NKAIN2: variants seen among roughly 807,000 people sequenced by gnomAD.
NKAIN2 encodes the protein sodium/potassium-transporting ATPase subunit beta-1-interacting protein 2.
Under a neutral mutation model 32.6 loss-of-function variants are expected in NKAIN2, and 14 were observed. The observed-to-expected ratio is 0.43, with a 90% CI of 0.28 to 0.67. The LOEUF (loss-of-function observed/expected upper bound fraction) is 0.67. Ranked by LOEUF, NKAIN2 falls within the 30% of genes least tolerant of loss-of-function variation. The probability of loss-of-function intolerance (pLI) is 0.17; values close to 1 mark genes in which losing one functional copy is unlikely to be tolerated. For missense variants in NKAIN2, 198 were observed against 258.3 expected (o/e 0.77, Z 1.60); for synonymous variants, 80 against 87.2 (o/e 0.92, Z 0.46).
chr6:124,097,868 T>C (rs1215187872), intron 1 of NKAIN2, among the ~76,000 whole-genome samples: 1 of 152,190 alleles, frequency 6.6e-6, no homozygotes, highest in Non-Finnish European at 1.5e-5. Flanking sequence ...ACTAGTCTGA[T>C]TGGCAAAAGC....
intron 1 of NKAIN2, among the ~76,000 whole-genome samples, chr6:123,994,044 T>C (rs915168506): frequency 6.6e-6 from 1 of 152,164 alleles, no homozygotes; most frequent in Non-Finnish European, 1.5e-5. Context: ...TCACTGCTTC[T>C]TCCCCAGAGA....
At chr6:123,923,206 A>C (rs1465910292) in intron 1 of NKAIN2, among the ~76,000 whole-genome samples, 3 of 152,224 alleles carry the variant, frequency 2.0e-5, no homozygotes, top group Non-Finnish European at 4.4e-5. Context: ...CTACCATATT[A>C]CTTTGAGGAA....
At chr6:123,841,235 C>G (rs906449777) in intron 1 of NKAIN2, among the ~76,000 whole-genome samples, 13 of 152,158 alleles carry the variant, frequency 8.5e-5, no homozygotes, top group South Asian at 4.1e-4. Context: ...TAACATAGCT[C>G]TCTCATTGGA....
In NKAIN2 at chr6:124,818,248, C is replaced by A. The variant is rs916024108; in HGVS notation, c.536-139C>A. The A allele has an allele frequency of 7.0e-6, 3 of 430,834 alleles. 1 individual carries two copies. Among genetic ancestry groups the A allele is most frequent in the South Asian group, 1.4e-4 (2 of 14,266 alleles). 26.7% of individuals were successfully genotyped at this position (430,834 alleles called of 1,614,324 possible). A position where few individuals can be genotyped will look rare whatever the true frequency, so the allele number is the denominator to read the frequency against. On this transcript the variant is annotated intron_variant, in intron 5 of 6. Transcript: ENST00000368417. ...GAAGGAACTATCATTTCTTCCATTT[C>A]TTTTTTCTTCACAATTAGTTACTTT...
chr6:124,798,089 A>G lies in NKAIN2; in HGVS notation c.535+6690A>G, dbSNP rs908235715. On this transcript the variant is annotated intron_variant, in intron 5 of 6. Transcript: ENST00000368417. ...TATCTATCTATCTATCTATCTATCT[A>G]TCTATCTATCTATCTATCATCTAAC... Among the ~76,000 whole-genome samples, 5 of 150,306 alleles carry G rather than the reference A, an allele frequency of 3.3e-5. No homozygotes were observed. In the South Asian group the frequency reaches 1.1e-3, roughly 32 times the overall value.
At chr6:124,509,103 G>T (rs1413268264) in intron 3 of NKAIN2, among the ~76,000 whole-genome samples, 1 of 152,122 alleles carries the variant, frequency 6.6e-6, no homozygotes, top group African/African-American at 2.4e-5. Context: ...TAAGTCAAGG[G>T]GTGAGTAAAT....
chr6:123,902,185 A>G (rs1774623385), intron 1 of NKAIN2, among the ~76,000 whole-genome samples: 1 of 152,146 alleles, frequency 6.6e-6, no homozygotes, highest in Non-Finnish European at 1.5e-5. Flanking sequence ...GGGAGGAAGT[A>G]AGGCATATAG....
At chr6:124,733,256 A>G (rs954197553) in intron 4 of NKAIN2, among the ~76,000 whole-genome samples, 1 of 151,970 alleles carries the variant, frequency 6.6e-6, no homozygotes, top group African/African-American at 2.4e-5. Flanking sequence ...GAAATTATGC[A>G]TTTATAAAAA....
intron 1 of NKAIN2, among the ~76,000 whole-genome samples, chr6:124,100,652 C>A (rs936234439): frequency 1.7e-4 from 26 of 152,182 alleles, no homozygotes; most frequent in African/African-American, 5.8e-4. Context: ...AAACAAACAT[C>A]TCTTGCTGCA....
intron 4 of NKAIN2, among the ~76,000 whole-genome samples, chr6:124,789,264 A>C (rs915137692): frequency 6.6e-6 from 1 of 152,130 alleles, no homozygotes; most frequent in Non-Finnish European, 1.5e-5. Flanking sequence ...TGAATTGATG[A>C]GTAAGAATTT....
chr6:124,278,837 T>C (rs1294211969), intron 1 of NKAIN2, among the ~76,000 whole-genome samples: 1 of 151,536 alleles, frequency 6.6e-6, no homozygotes, highest in African/African-American at 2.4e-5. Context: ...TTAACACACA[T>C]ACAGAAGATT....
intron 1 of NKAIN2, among the ~76,000 whole-genome samples, chr6:124,189,721 C>A (rs1789921989): frequency 6.6e-6 from 1 of 152,058 alleles, no homozygotes. Flanking sequence ...ACACTTGGTA[C>A]AAAAATGTCC....
In NKAIN2 at chr6:124,435,194, C is replaced by T. The variant is rs142206316; in HGVS notation, c.273+79847C>T. Among the ~76,000 whole-genome samples, 757 of 152,164 alleles carry T rather than the reference C, an allele frequency of 5.0e-3. 6 individuals carry two copies. The highest frequency in any genetic ancestry group is 0.017 in the African/African-American group (692 of 41,528). ...TAGAAGGAATATGGCATGCAAACAT[C>T]TTGAGAAGGTGCGTTCCCAGACAAG... On this transcript the variant is annotated intron_variant, in intron 3 of 6. Coordinates refer to ENST00000368417, the MANE Select transcript of NKAIN2 (RefSeq NM_001040214.3).
intron 1 of NKAIN2, among the ~76,000 whole-genome samples, chr6:124,181,016 G>A (rs1789420107): frequency 6.6e-6 from 1 of 152,208 alleles, no homozygotes; most frequent in Non-Finnish European, 1.5e-5. Context: ...TGAAGGTTCT[G>A]CCGCTGCAGC....
intron 1 of NKAIN2, among the ~76,000 whole-genome samples, chr6:124,126,217 A>G (rs2114997325): frequency 6.6e-6 from 1 of 152,164 alleles, no homozygotes; most frequent in East Asian, 1.9e-4. Context: ...CTAATACTCT[A>G]GCTCCAAAAA....
chr6:124,636,746 C>T (rs1242696567), intron 3 of NKAIN2, among the ~76,000 whole-genome samples: 2 of 151,820 alleles, frequency 1.3e-5, no homozygotes, highest in Admixed American at 6.6e-5. Flanking sequence ...AAAAGTAATA[C>T]GATTGATCAA....
intron 3 of NKAIN2, among the ~76,000 whole-genome samples, chr6:124,597,517 A>G (rs560013518): frequency 2.0e-5 from 3 of 152,112 alleles, no homozygotes; most frequent in Non-Finnish European, 2.9e-5. Flanking sequence ...AATTGGAGAG[A>G]CATAATTGAT....
At chr6:124,036,454 CT>C (rs1404349537) in intron 1 of NKAIN2, among the ~76,000 whole-genome samples, 1 of 152,066 alleles carries the variant, frequency 6.6e-6, no homozygotes, top group Non-Finnish European at 1.5e-5. Flanking sequence ...TATTTTTATA[CT>C]GTGTTTATTT....
chr6:124,191,602 T>A (rs1382504878), intron 1 of NKAIN2, among the ~76,000 whole-genome samples: 1 of 152,160 alleles, frequency 6.6e-6, no homozygotes, highest in East Asian at 1.9e-4. Flanking sequence ...CCATTTGCCT[T>A]ACTACTCTGG....
Sources: gnomAD v4.1 joint callset for allele counts (sites outside exome capture counted in the v4.1 genomes callset) on GRCh38, gnomAD v4.1.1 for gene constraint, MANE v1.5 for transcripts, NCBI Gene and HGNC (gene_info 2026-07-23, HGNC 2026-07-21) for gene names.